The following INA variants were observed in gnomAD, a reference collection of about 807,000 sequenced individuals.
The protein encoded by INA is internexin neuronal intermediate filament protein alpha, also known as alpha-internexin.
A neutral mutation model predicts 40.1 loss-of-function variants in INA; 35 were observed. The observed-to-expected ratio is 0.87, with a 90% CI of 0.67 to 1.16. The LOEUF (loss-of-function observed/expected upper bound fraction) is 1.16, where lower values mean the gene tolerates loss of function less well. Among genes scored for constraint, INA ranks in the 50% most tolerant of loss-of-function variants. The pLI is 0.00. For synonymous variants in INA, 290 were observed against 316.9 expected (o/e 0.92, Z 0.90); for missense variants, 594 against 686.7 (o/e 0.87, Z 1.51).
intron 1 of INA, among the ~76,000 whole-genome samples, chr10:103,284,941 G>T (rs1340449679): frequency 2.0e-5 from 3 of 152,024 alleles, no homozygotes; most frequent in Admixed American, 2.0e-4. Flanking sequence ...GGATGCAAAT[G>T]AAGACCTGTC....
chr10:103,284,596 A>G (rs2093080792), intron 1 of INA, among the ~76,000 whole-genome samples: 1 of 151,994 alleles, frequency 6.6e-6, no homozygotes. Flanking sequence ...TCTACTAAAA[A>G]TACAAAAATT....
chr10:103,280,546 A>C, intron 1 of INA: 1 of 985,436 alleles, frequency 1.0e-6, no homozygotes, highest in Non-Finnish European at 1.2e-6. Flanking sequence ...GATTAGTGGT[A>C]GGGCCATTTT....
At chr10:103,286,471 T>A (rs2093086325) in intron 1 of INA, among the ~76,000 whole-genome samples, 1 of 151,860 alleles carries the variant, frequency 6.6e-6, no homozygotes, top group African/African-American at 2.4e-5. Context: ...TCTCCTTACC[T>A]ATAATGTAAA....
At chr10:103,286,414 T>C (rs2093086258) in intron 1 of INA, among the ~76,000 whole-genome samples, 1 of 151,264 alleles carries the variant, frequency 6.6e-6, no homozygotes, top group South Asian at 2.1e-4. Context: ...AAGCGATTTC[T>C]CTTCCATGCC....
Position 103,287,157 on chromosome 10 carries a change from C to T in INA, c.1188C>T (p.Tyr396=). ...KMALDIEIAA[Y]RKLLEGEETR... ...CTCTTGACATTGAGATAGCAGCTTACAGGTACTGCAAAGGACCTGCTTACC... is the reference window on the plus strand; with the variant it reads ...CTCTTGACATTGAGATAGCAGCTTATAGGTACTGCAAAGGACCTGCTTACC... The change falls in exon 2 of 3, where the codon TAC becomes TAT. Residue 396 remains tyrosine, a splice_region_variant and synonymous_variant. Transcript: ENST00000369849. The T allele has an allele frequency of 6.2e-7, 1 of 1,613,014 alleles. No individual in the cohort carries two copies.
In INA at chr10:103,278,404, G is replaced by T; in HGVS notation, c.1065+128G>T. ...AGAGAGGAGAGAAGAGCCGCGGCTG[G>T]AGGCGCTGGTTAACAAAAAACCCTG... On this transcript the variant is annotated intron_variant, in intron 1 of 2. Coordinates refer to ENST00000369849, the MANE Select transcript of INA (RefSeq NM_032727.4). This position sits in a 1 kb window ranked among gnomAD's most constrained non-coding sequence, Gnocchi z 4.9. The T allele has an allele frequency of 1.3e-6, 1 of 752,198 alleles. No homozygotes were observed. The highest frequency in any genetic ancestry group is 2.1e-6 in the Non-Finnish European group (1 of 480,110). 46.6% of individuals were successfully genotyped at this position (752,198 alleles called of 1,614,324 possible).
At chr10:103,279,966 GTCTTCTGGAGGGCTA>G (rs2093069251) in intron 1 of INA, 1 of 1,289,246 alleles carries the variant, frequency 7.8e-7, no homozygotes, top group African/African-American at 1.5e-5. Flanking sequence ...GAGCTAGGTG[GTCTTCTGGAGGGCTA>G]GCCCAGTATT....
In INA at chr10:103,277,812, C is replaced by T. The variant is rs1482050252; in HGVS notation, c.601C>T (p.Arg201Cys). The T allele has an allele frequency of 6.5e-7, 1 of 1,536,544 alleles. No individual in the cohort carries two copies. Among genetic ancestry groups the T allele is most frequent in the East Asian group, 2.5e-5 (1 of 40,602 alleles). Residue 201 changes from arginine to cysteine, a missense_variant, in exon 1 of 3, where the codon CGC becomes TGC. Physicochemically the swap from Arg to Cys is radical, Grantham distance 180. Coordinates refer to ENST00000369849, the MANE Select transcript of INA (RefSeq NM_032727.4). The surrounding 1 kb of genome is among the most constrained non-coding windows in gnomAD (Gnocchi z 5.6). ...CGAGCGCGCCCTGAAGGCGCAGCAG[C>T]GCGACGTGGACGGCGCCACGCTGGC... Reference protein sequence around the residue: ...GAERALKAQQRDVDGATLARL... With the variant: ...GAERALKAQQCDVDGATLARL...
In INA at chr10:103,277,637, C is replaced by T. The variant is rs754879007; in HGVS notation, c.426C>T (p.Leu142=). 2 of 1,436,556 alleles carry T rather than the reference C, an allele frequency of 1.4e-6. No homozygotes were observed. The highest frequency in any genetic ancestry group is 5.8e-5 in the East Asian group (2 of 34,742). 89.0% of individuals were successfully genotyped at this position (1,436,556 alleles called of 1,614,324 possible). The change falls in exon 1 of 3, where the codon CTC becomes CTT. Residue 142 remains leucine, a synonymous_variant. Coordinates refer to ENST00000369849, the MANE Select transcript of INA (RefSeq NM_032727.4). This position sits in a 1 kb window ranked among gnomAD's most constrained non-coding sequence, Gnocchi z 5.6. ...CTGAGCCGTCGCGCGTCGGCGAGCT[C>T]TTCCAGCGCGAGCTGCGCGACCTGC... is the stretch of plus-strand genomic sequence containing the variant. ...RHAEPSRVGE[L]FQRELRDLRA... is the part of the protein sequence containing the mutation.
chr10:103,288,640 G>A lies in INA; in HGVS notation c.1471G>A (p.Glu491Lys). Residue 491 changes from glutamate (E) to lysine (K), a missense_variant, in exon 3 of 3, where the codon GAA becomes AAA. This residue lies in a region of INA where 379 missense variants were observed against 496.1 expected (regional missense o/e 0.76). Transcript: ENST00000369849. Reference protein sequence around the residue: ...TKKTEKSNIEETTISSQKI With the variant: ...TKKTEKSNIEKTTISSQKI The stretch of plus-strand genomic sequence containing the variant: ...GAAAACCGAGAAATCAAATATAGAA[G>A]AAACCACCATTTCAAGCCAAAAAAT... 6.3e-7 allele frequency: 1 copy of A among 1,583,300 alleles called. No homozygotes were observed. The highest frequency in any genetic ancestry group is 1.4e-5 in the African/African-American group (1 of 73,002).
rs1474142638 is a variant in INA at position 103,287,141 on chromosome 10, T to C, written c.1172T>C (p.Ile391Thr). The change falls in exon 2 of 3, where the codon ATT (isoleucine) becomes ACT (threonine). Residue 391 changes from isoleucine to threonine, a missense_variant. Coordinates refer to ENST00000369849, the MANE Select transcript of INA (RefSeq NM_032727.4). Reference sequence around the variant, plus strand: ...CTCAATGTCAAAATGGCTCTTGACATTGAGATAGCAGCTTACAGGTACTGC... The same window carrying C: ...CTCAATGTCAAAATGGCTCTTGACACTGAGATAGCAGCTTACAGGTACTGC... ...DLLNVKMALDIEIAAYRKLLE... is the reference protein window; with the variant it reads ...DLLNVKMALDTEIAAYRKLLE... The C allele has an allele frequency of 1.9e-6, 3 of 1,613,614 alleles. No homozygotes were observed. Among genetic ancestry groups the C allele is most frequent in the Admixed American group, 3.3e-5 (2 of 59,966 alleles).
At chr10:103,284,835 T>C (rs2093081606) in intron 1 of INA, among the ~76,000 whole-genome samples, 1 of 152,162 alleles carries the variant, frequency 6.6e-6, no homozygotes, top group Non-Finnish European at 1.5e-5. Flanking sequence ...TGAGTGCTTT[T>C]TTTCTAATTT....
chr10:103,281,063 T>C, intron 1 of INA: 2 of 385,422 alleles, frequency 5.2e-6, no homozygotes, highest in South Asian at 2.1e-4. Context: ...TTCTCCATTA[T>C]GAGATTGGAG....
Position 103,278,174 on chromosome 10 carries a change from G to GCGCA in INA, c.965_968dup (p.Ile324HisfsTer35). ...ACGAGTATCGGCGCCAGCTGCAGGC[G>GCGCA]CGCACCATCGAGATCGAGGGCCTGC... On this transcript the variant is annotated frameshift_variant, in exon 1 of 3. Coordinates refer to ENST00000369849, the MANE Select transcript of INA (RefSeq NM_032727.4). LOFTEE classifies it high-confidence loss of function. This position sits in a 1 kb window ranked among gnomAD's most constrained non-coding sequence, Gnocchi z 4.9. 2 of 1,611,478 alleles carry GCGCA rather than the reference G, an allele frequency of 1.2e-6. No homozygotes were observed. The highest frequency in any genetic ancestry group is 1.7e-6 in the Non-Finnish European group (2 of 1,179,294).
rs2093096435 is a variant in INA, at chr10:103,289,979, C to A, written c.*1310C>A. 1 of 152,676 alleles carries A rather than the reference C, an allele frequency of 6.5e-6. No individual in the cohort carries two copies. Among genetic ancestry groups the A allele is most frequent in the East Asian group, 1.9e-4 (1 of 5,196 alleles). 9.5% of individuals were successfully genotyped at this position (152,676 alleles called of 1,614,324 possible). A position where few individuals can be genotyped will look rare whatever the true frequency, so the allele number is the denominator to read the frequency against. ...ACACTCAGACCAGAGAAGGGGTGTG[C>A]ATGCGCCTACTCGCTTGCTAGAAGT... On this transcript the variant is annotated 3_prime_UTR_variant, in exon 3 of 3. Transcript: ENST00000369849.
rs1477478536 is a variant in INA at position 103,288,664 on chromosome 10, A to C, written c.1495A>C (p.Ile499Leu). The C allele has an allele frequency of 5.1e-6, 8 of 1,559,454 alleles. No individual in the cohort carries two copies. The highest frequency in any genetic ancestry group is 6.9e-6 in the Non-Finnish European group (8 of 1,154,560). Residue 499 changes from isoleucine (I) to leucine (L), a missense_variant, in exon 3 of 3, where the codon ATA becomes CTA. Physicochemically the swap from Ile to Leu is conservative, Grantham distance 5 (BLOSUM62 2). Coordinates refer to ENST00000369849, the MANE Select transcript of INA (RefSeq NM_032727.4). ...AGAAACCACCATTTCAAGCCAAAAAATATAATTCCATTGCTTTGAAAAAGT... is the reference window on the plus strand; with the variant it reads ...AGAAACCACCATTTCAAGCCAAAAACTATAATTCCATTGCTTTGAAAAAGT... ...IEETTISSQK[I>L]
At position 103,290,113 on chromosome 10, in the gene INA, A is replaced by C. The variant is rs1034752253; in HGVS notation, c.*1444A>C. 6.6e-6 allele frequency: 1 copy of C among 152,658 alleles called. No individual in the cohort carries two copies. Among genetic ancestry groups the C allele is most frequent in the African/African-American group, 2.4e-5 (1 of 41,460 alleles). The allele number at this position is 152,658 out of a possible 1,614,324, so 9.5% of individuals were successfully genotyped here. On this transcript the variant is annotated 3_prime_UTR_variant, in exon 3 of 3. Transcript: ENST00000369849. ...AGGATTTGTTCTCTGTCCAGCAGTCACTTCGGCCAGAGCTGAAGAGTTGCC... is the reference window on the plus strand; with the variant it reads ...AGGATTTGTTCTCTGTCCAGCAGTCCCTTCGGCCAGAGCTGAAGAGTTGCC...
At position 103,278,387 on chromosome 10, in the gene INA, G is replaced by A. The variant is rs1398806551; in HGVS notation, c.1065+111G>A. On this transcript the variant is annotated intron_variant, in intron 1 of 2. Coordinates refer to ENST00000369849, the MANE Select transcript of INA (RefSeq NM_032727.4). This position sits in a 1 kb window ranked among gnomAD's most constrained non-coding sequence, Gnocchi z 4.9. ...CTTAAGGGGAGGGCAAAAGAGAGGA[G>A]AGAAGAGCCGCGGCTGGAGGCGCTG... The A allele has an allele frequency of 1.1e-6, 1 of 881,854 alleles. No individual in the cohort carries two copies. Among genetic ancestry groups the A allele is most frequent in the Admixed American group, 3.0e-5 (1 of 33,886 alleles). The allele number at this position is 881,854 out of a possible 1,614,324, so 54.6% of individuals were successfully genotyped here.
At position 103,277,569 on chromosome 10, in the gene INA, C is replaced by G; in HGVS notation, c.358C>G (p.Arg120Gly). 6.4e-7 allele frequency: 1 copy of G among 1,573,692 alleles called. No homozygotes were observed. Among genetic ancestry groups the G allele is most frequent in the Non-Finnish European group, 8.6e-7 (1 of 1,165,604 alleles). Reference protein sequence around the residue: ...EKVHQLETQNRALEAELAALR... With the variant: ...EKVHQLETQNGALEAELAALR... ...GGTGCATCAGCTGGAGACGCAGAAC[C>G]GCGCGTTGGAGGCCGAGCTGGCCGC... The change falls in exon 1 of 3, where the codon CGC (arginine) becomes GGC (glycine). Residue 120 changes from arginine to glycine, a missense_variant. Arg to Gly is a moderately radical substitution (Grantham distance 125). This residue lies in a region of INA where 215 missense variants were observed against 190.6 expected (regional missense o/e 1.13). Transcript: ENST00000369849. The surrounding 1 kb of genome is among the most constrained non-coding windows in gnomAD (Gnocchi z 5.6).
Sources: gnomAD v4.1 joint callset for allele counts (sites outside exome capture counted in the v4.1 genomes callset) on GRCh38, gnomAD v4.1.1 for gene constraint, gnomAD v4.1.1 regional missense constraint, Gnocchi (gnomAD v3.1) non-coding constraint, MANE v1.5 for transcripts, NCBI Gene and HGNC (gene_info 2026-07-23, HGNC 2026-07-21) for gene names.